Variants in PFKFB1 observed in about 807,000 individuals in gnomAD.
The protein encoded by PFKFB1 is 6-phosphofructo-2-kinase/fructose-2,6-biphosphatase 1.
A neutral mutation model predicts 46.4 loss-of-function variants in PFKFB1; 34 were observed. The ratio of observed to expected loss-of-function variants is 0.73; its 90% CI spans 0.56 to 0.98. The LOEUF (loss-of-function observed/expected upper bound fraction) is 0.98. Ranked by LOEUF, PFKFB1 falls within the 50% of genes least tolerant of loss-of-function variation. The pLI is 0.00. For missense variants in PFKFB1, 393 were observed against 376.3 expected, an observed-to-expected ratio of 1.04 and a Z score of -0.37; for synonymous variants, 119 against 133.8, an observed-to-expected ratio of 0.89 and a Z score of 0.76.
intron 1 of PFKFB1, among the ~76,000 whole-genome samples, chrX:54,972,371 C>G (rs1182237061): frequency 9.2e-6 from 1 of 108,495 alleles, no homozygotes; most frequent in Non-Finnish European, 1.9e-5. Flanking sequence ...ACTTCCAACA[C>G]TATGTTGAAT....
intron 10 of PFKFB1, among the ~76,000 whole-genome samples, chrX:54,939,426 A>C (rs1933532663): frequency 8.9e-6 from 1 of 111,926 alleles, no homozygotes; most frequent in African/African-American, 3.3e-5. Context: ...GACACAAAAA[A>C]CCCTTCAAAA....
At chrX:54,937,748 G>C (rs1266242603) in intron 10 of PFKFB1, 24 bp from the exon 11 acceptor site, 1 of 1,190,659 alleles carries the variant, frequency 8.4e-7, no homozygotes, top group Non-Finnish European at 1.1e-6. Flanking sequence ...AGATACTTGA[G>C]TGAGAAAGGA....
At chrX:54,957,116 T>G (rs772018411) in intron 6 of PFKFB1, among the ~76,000 whole-genome samples, 1 of 111,979 alleles carries the variant, frequency 8.9e-6, no homozygotes, top group Non-Finnish European at 1.9e-5. Flanking sequence ...TTCTTCATCC[T>G]TATCTCCCAT....
At chrX:54,997,727 C>T (rs1039378201), upstream of PFKFB1, among the ~76,000 whole-genome samples, 1 of 111,412 alleles carries the variant, frequency 9.0e-6, no homozygotes, top group Non-Finnish European at 1.9e-5. Context: ...TCCTTCTCAC[C>T]CACTGTCCTG....
At chrX:54,964,324 C>G (rs1855828249) in intron 1 of PFKFB1, among the ~76,000 whole-genome samples, 1 of 110,513 alleles carries the variant, frequency 9.0e-6, no homozygotes, top group South Asian at 3.9e-4. Context: ...CCCCCACTAC[C>G]AGGCTAAAAA....
intron 1 of PFKFB1, among the ~76,000 whole-genome samples, chrX:54,988,797 C>T (rs772294132): frequency 6.3e-5 from 7 of 111,703 alleles, no homozygotes; most frequent in East Asian, 2.8e-4. Flanking sequence ...TGCAAAAGAA[C>T]GAAGCTGGAT....
At chrX:54,935,162 A>T (rs1933345507) in intron 11 of PFKFB1, among the ~76,000 whole-genome samples, 153 bp from the exon 12 acceptor site, 1 of 112,281 alleles carries the variant, frequency 8.9e-6, no homozygotes, top group South Asian at 3.7e-4. Flanking sequence ...CTGCAGGGGC[A>T]GCACTGAGAG....
At chrX:54,945,594 G>T (rs1204635330) in intron 9 of PFKFB1, 51 bp from the exon 10 acceptor site, 1 of 785,539 alleles carries the variant, frequency 1.3e-6, no homozygotes, top group Admixed American at 2.7e-5. Flanking sequence ...AAATTCCACA[G>T]AGTCTTTGCC....
intron 7 of PFKFB1, among the ~76,000 whole-genome samples, chrX:54,953,134 T>G (rs1934037322): frequency 8.9e-6 from 1 of 112,016 alleles, no homozygotes; most frequent in African/African-American, 3.2e-5. Context: ...CATTAAATCC[T>G]TTAGTTGTTG....
At chrX:54,995,130 C>T (rs1459995760), upstream of PFKFB1, among the ~76,000 whole-genome samples, 2 of 111,828 alleles carry the variant, frequency 1.8e-5, no homozygotes, top group East Asian at 5.6e-4. Context: ...CCCTCTCCCG[C>T]TCCCCTGACC....
intron 5 of PFKFB1, 143 bp from the exon 6 acceptor site, chrX:54,958,505 A>C (rs1338854335): frequency 2.3e-6 from 1 of 441,854 alleles, no homozygotes; most frequent in African/African-American, 2.5e-5. Context: ...TGGTACTTCC[A>C]GGCTTCTGAG....
intron 1 of PFKFB1, among the ~76,000 whole-genome samples, chrX:54,981,631 GAAGAAAT>G (rs937029833): frequency 6.1e-4 from 68 of 111,606 alleles, no homozygotes; most frequent in African/African-American, 2.1e-3. Flanking sequence ...TAAGAGACAA[GAAGAAAT>G]GGTGAGCAAG....
At chrX:54,943,803 TAAAA>T (rs1160606043) in intron 10 of PFKFB1, among the ~76,000 whole-genome samples, 5 of 109,975 alleles carry the variant, frequency 4.5e-5, no homozygotes, top group Non-Finnish European at 9.5e-5. Flanking sequence ...TAAATAAAAA[TAAAA>T]AAGAAAGACG....
intron 1 of PFKFB1, 81 bp downstream of exon 1, chrX:54,993,830 C>A: frequency 9.0e-7 from 1 of 1,116,141 alleles, no homozygotes. Flanking sequence ...GAGTGGATGG[C>A]AAGGGGAGGT....
chrX:54,990,939 C>T (rs1389478111), intron 1 of PFKFB1, among the ~76,000 whole-genome samples: 4 of 111,873 alleles, frequency 3.6e-5, no homozygotes, highest in Non-Finnish European at 5.6e-5. Flanking sequence ...TAAACAGGAA[C>T]GTCTTTAACC....
upstream of PFKFB1, chrX:54,994,286 G>A: frequency 1.3e-6 from 1 of 754,188 alleles, no homozygotes; most frequent in Non-Finnish European, 1.6e-6. Flanking sequence ...TGAACTCCAA[G>A]GGCTGTGTAC....
At chrX:54,995,153 G>A (rs769362191), upstream of PFKFB1, among the ~76,000 whole-genome samples, 5 of 111,462 alleles carry the variant, frequency 4.5e-5, no homozygotes, top group Non-Finnish European at 9.4e-5. Flanking sequence ...TTGTTTTGAG[G>A]CTTTTATGTG....
intron 1 of PFKFB1, among the ~76,000 whole-genome samples, chrX:54,985,246 C>A (rs2146682678): frequency 9.0e-6 from 1 of 111,411 alleles, no homozygotes; most frequent in South Asian, 3.8e-4. Context: ...ACTTACTTCA[C>A]AAACTACTCC....
At position 54,963,399 on chromosome X, in the gene PFKFB1, C is replaced by T. The variant is rs1329709958; in HGVS notation, c.98-17G>A. ...GTATGGATGCTGAAAAATAAACAGACCCTCAAAAGCTTATCCTCAGATTCA... is the reference window on the plus strand; with the variant it reads ...GTATGGATGCTGAAAAATAAACAGATCCTCAAAAGCTTATCCTCAGATTCA... On this transcript the variant is annotated splice_polypyrimidine_tract_variant and intron_variant, in intron 1 of 13. Transcript: ENST00000375006. 8.3e-7 allele frequency: 1 copy of T among 1,205,583 alleles called. No homozygotes were observed.
Sources: gnomAD v4.1 joint callset for allele counts (sites outside exome capture counted in the v4.1 genomes callset) on GRCh38, gnomAD v4.1.1 for gene constraint, MANE v1.5 for transcripts, NCBI Gene and HGNC (gene_info 2026-07-23, HGNC 2026-07-21) for gene names.